Variants in TMEM108 observed in about 807,000 individuals in gnomAD.
TMEM108 encodes the protein transmembrane protein 108, also known as cancer/testis antigen 124.
Under a neutral mutation model 35.1 loss-of-function variants are expected in TMEM108, and 12 were observed. The ratio of observed to expected loss-of-function variants is 0.34; its 90% CI spans 0.22 to 0.55. The LOEUF (loss-of-function observed/expected upper bound fraction) is 0.55. Among genes scored for constraint, TMEM108 ranks in the 20% least tolerant of loss-of-function variants. TMEM108 has a pLI of 0.89. For synonymous variants in TMEM108, 287 were observed against 308.6 expected (o/e 0.93, Z 0.73); for missense variants, 680 against 753.3 (o/e 0.90, Z 1.14).
intron 2 of TMEM108, among the ~76,000 whole-genome samples, chr3:133,149,103 A>G (rs928592315): frequency 6.6e-6 from 1 of 152,182 alleles, no homozygotes; most frequent in South Asian, 2.1e-4. Context: ...ACTACCTGAT[A>G]TTGCTCCATA....
intron 2 of TMEM108, among the ~76,000 whole-genome samples, chr3:133,113,694 C>T (rs1944252882): frequency 6.6e-6 from 1 of 152,104 alleles, no homozygotes; most frequent in Non-Finnish European, 1.5e-5. Flanking sequence ...TTGAGTTGAG[C>T]CAAATAGAGG....
At chr3:133,173,999 T>C (rs979831695) in intron 2 of TMEM108, among the ~76,000 whole-genome samples, 1 of 152,178 alleles carries the variant, frequency 6.6e-6, no homozygotes, top group African/African-American at 2.4e-5. Flanking sequence ...ACTTTTCCAA[T>C]GGTCTTAGCA....
At chr3:133,386,280 A>G (rs1343221637) in intron 4 of TMEM108, 9 of 927,166 alleles carry the variant, frequency 9.7e-6, no homozygotes, top group African/African-American at 1.6e-5. Context: ...GCAGTGATCA[A>G]ACAGTGATGA....
rs533947326 is a variant in TMEM108, at chr3:133,294,158, A to G, written c.40+64807A>G. 2.6e-5 allele frequency among the ~76,000 whole-genome samples: 4 copies of G among 152,328 alleles called. No homozygotes were observed. In the South Asian group the frequency reaches 8.3e-4, roughly 32 times the overall value. ...AAGCATTTATATTTTTCATCCTTAT[A>G]AAAAATGCACGGCATCTTCAGGCAG... On this transcript the variant is annotated intron_variant, in intron 3 of 5. Transcript: ENST00000321871.
chr3:133,320,868 C>A (rs2071259264), intron 3 of TMEM108, among the ~76,000 whole-genome samples: 1 of 152,142 alleles, frequency 6.6e-6, no homozygotes, highest in Non-Finnish European at 1.5e-5. Flanking sequence ...CTATCATTAA[C>A]CTCCTCAAAC....
intron 2 of TMEM108, among the ~76,000 whole-genome samples, chr3:133,138,054 G>A (rs1944589585): frequency 6.6e-6 from 1 of 152,180 alleles, no homozygotes; most frequent in African/African-American, 2.4e-5. Context: ...GTTTTGGATG[G>A]CAATTGGAAC....
intron 2 of TMEM108, among the ~76,000 whole-genome samples, chr3:133,077,407 G>A (rs1350668647): frequency 6.6e-6 from 1 of 152,122 alleles, no homozygotes; most frequent in African/African-American, 2.4e-5. Context: ...GGTGCCAGGG[G>A]CAGGCGGTGA....
chr3:133,177,098 C>G (rs1945243743), intron 2 of TMEM108, among the ~76,000 whole-genome samples: 1 of 152,166 alleles, frequency 6.6e-6, no homozygotes, highest in African/African-American at 2.4e-5. Context: ...TACATACACC[C>G]TCCCAAGACT....
In TMEM108 at chr3:133,380,393, G is replaced by C; in HGVS notation, c.682G>C (p.Val228Leu). ...QIYKGNFTGSVEPEPSTLTPR... is the reference protein window; with the variant it reads ...QIYKGNFTGSLEPEPSTLTPR... ...CTACAAGGGCAACTTCACAGGGTCT[G>C]TGGAACCGGAGCCCTCTACCCTCAC... is the stretch of plus-strand genomic sequence containing the variant. The change falls in exon 4 of 6, where the codon GTG (valine) becomes CTG (leucine). Residue 228 changes from valine to leucine, a missense_variant. Val to Leu is a conservative substitution (Grantham distance 32). Around this residue, in one of 3 missense-constraint regions of TMEM108, gnomAD observed 526 missense variants for 532.1 expected, o/e 0.99. Coordinates refer to ENST00000321871, the MANE Select transcript of TMEM108 (RefSeq NM_023943.4). This position sits in a 1 kb window ranked among gnomAD's most constrained non-coding sequence, Gnocchi z 5.3. 1 of 1,613,726 alleles carries C rather than the reference G, an allele frequency of 6.2e-7. No homozygotes were observed. The highest frequency in any genetic ancestry group is 8.5e-7 in the Non-Finnish European group (1 of 1,179,772).
intron 2 of TMEM108, among the ~76,000 whole-genome samples, chr3:133,078,829 G>A (rs904955554): frequency 6.6e-6 from 1 of 152,046 alleles, no homozygotes; most frequent in Non-Finnish European, 1.5e-5. Context: ...GTTGGATCTT[G>A]TAGGAAAAAG....
At chr3:133,132,340 A>C (rs1255962545) in intron 2 of TMEM108, among the ~76,000 whole-genome samples, 3 of 152,214 alleles carry the variant, frequency 2.0e-5, no homozygotes, top group Admixed American at 6.5e-5. Context: ...GGGCTAATGC[A>C]GCTGATGACT....
At chr3:133,161,231 A>G (rs1944956955) in intron 2 of TMEM108, among the ~76,000 whole-genome samples, 1 of 152,128 alleles carries the variant, frequency 6.6e-6, no homozygotes. Context: ...GTGTACATGC[A>G]GTTTCTGCTT....
At chr3:133,362,388 C>T (rs765046152) in intron 3 of TMEM108, among the ~76,000 whole-genome samples, 4 of 152,270 alleles carry the variant, frequency 2.6e-5, no homozygotes, top group Admixed American at 6.5e-5. Flanking sequence ...CTTTCCAGCC[C>T]TCCACTCCTA....
At chr3:133,271,976 A>C (rs141040753) in intron 3 of TMEM108, among the ~76,000 whole-genome samples, 2 of 152,178 alleles carry the variant, frequency 1.3e-5, no homozygotes, top group Non-Finnish European at 2.9e-5. Context: ...AGCTATTGAC[A>C]AAATTAATGA....
Position 133,265,025 on chromosome 3 carries a change from G to A in TMEM108, c.40+35674G>A, listed in dbSNP as rs189002639. On this transcript the variant is annotated intron_variant, in intron 3 of 5. Coordinates refer to ENST00000321871, the MANE Select transcript of TMEM108 (RefSeq NM_023943.4). The stretch of plus-strand genomic sequence containing the variant: ...CAGGAATGACTCTTGCTGGGCACCA[G>A]CACTCACCACAGTCATCTCTAAACA... Among the ~76,000 whole-genome samples, 271 of 152,340 alleles carry A rather than the reference G, an allele frequency of 1.8e-3. 1 individual carries two copies. Among genetic ancestry groups the A allele is most frequent in the African/African-American group, 6.3e-3 (260 of 41,582 alleles).
intron 2 of TMEM108, among the ~76,000 whole-genome samples, chr3:133,110,948 C>A (rs559080534): frequency 3.3e-4 from 51 of 152,296 alleles, no homozygotes; most frequent in African/African-American, 1.1e-3. Context: ...TCCTAAGGGG[C>A]TTCTCAACAT....
At chr3:133,328,036 G>T (rs901571680) in intron 3 of TMEM108, among the ~76,000 whole-genome samples, 2 of 152,054 alleles carry the variant, frequency 1.3e-5, no homozygotes, top group African/African-American at 4.8e-5. Context: ...TCTTTTGGGG[G>T]CTTGCTGTTT....
chr3:133,052,831 T>C (rs1186782370), intron 2 of TMEM108, among the ~76,000 whole-genome samples: 2 of 152,146 alleles, frequency 1.3e-5, no homozygotes, highest in Non-Finnish European at 2.9e-5. Context: ...GGTCACAAAA[T>C]GCCCATATTA....
chr3:133,272,032 C>A (rs1946777705), intron 3 of TMEM108, among the ~76,000 whole-genome samples: 1 of 152,182 alleles, frequency 6.6e-6, no homozygotes, highest in Non-Finnish European at 1.5e-5. Flanking sequence ...CTTAACTCTG[C>A]TGTAGGAGCT....
Sources: gnomAD v4.1 joint callset for allele counts (sites outside exome capture counted in the v4.1 genomes callset) on GRCh38, gnomAD v4.1.1 for gene constraint, gnomAD v4.1.1 regional missense constraint, Gnocchi (gnomAD v3.1) non-coding constraint, MANE v1.5 for transcripts, NCBI Gene and HGNC (gene_info 2026-07-23, HGNC 2026-07-21) for gene names.